Variants in TEX11 observed in about 807,000 individuals in gnomAD.
TEX11 encodes the protein testis expressed 11.
In TEX11, 7 loss-of-function variants were observed where a neutral mutation model predicts 84.4. The observed-to-expected ratio is 0.08, with a 90% CI of 0.05 to 0.16. The LOEUF (loss-of-function observed/expected upper bound fraction) is 0.16. TEX11 is among the 10% of genes least tolerant of loss of function. The pLI, the probability that TEX11 is intolerant of heterozygous loss-of-function variation, is 1.00. For missense variants in TEX11, 551 were observed against 660.5 expected (o/e 0.83, Z 1.82); for synonymous variants, 264 against 222.8 (o/e 1.18, Z -1.64).
At chrX:70,877,727 A>C (rs1317916767) in intron 3 of TEX11, among the ~76,000 whole-genome samples, 2 of 112,131 alleles carry the variant, frequency 1.8e-5, no homozygotes, top group Non-Finnish European at 3.8e-5. Flanking sequence ...CACATGCTGC[A>C]ACATGAATGA....
At chrX:70,894,857 T>G (rs2091758944) in intron 2 of TEX11, among the ~76,000 whole-genome samples, 1 of 111,485 alleles carries the variant, frequency 9.0e-6, no homozygotes, top group Non-Finnish European at 1.9e-5. Context: ...AAACTCTCAA[T>G]AAACTAGGTA....
At chrX:70,705,147 T>C (rs1371402521) in intron 13 of TEX11, among the ~76,000 whole-genome samples, 1 of 111,488 alleles carries the variant, frequency 9.0e-6, no homozygotes, top group African/African-American at 3.3e-5. Context: ...TCTGTTCCAT[T>C]GGTCTATATC....
chrX:70,881,398 CA>C (rs2091682828), intron 2 of TEX11, among the ~76,000 whole-genome samples: 1 of 109,886 alleles, frequency 9.1e-6, no homozygotes, highest in South Asian at 3.8e-4. Context: ...TTCATATTAT[CA>C]AAATTGAGGT....
rs182984391 is a variant in TEX11 at position 70,528,972 on chromosome X, A to G, written c.*123T>C. Reference sequence around the variant, plus strand: ...AGCATGCTTTTATTTTAGAAAGTTTATTCAACAACATGAAAACAGGGTCTG... The same window carrying G: ...AGCATGCTTTTATTTTAGAAAGTTTGTTCAACAACATGAAAACAGGGTCTG... On this transcript the variant is annotated 3_prime_UTR_variant, in exon 30 of 30. Coordinates refer to ENST00000374333, the MANE Select transcript of TEX11 (RefSeq NM_031276.3). 8.2e-3 allele frequency: 4,131 copies of G among 501,564 alleles called. 20 individuals carry two copies. Among genetic ancestry groups the G allele is most frequent in the Non-Finnish European group, 0.011 (3,176 of 298,386 alleles). The allele number at this position is 501,564 out of a possible 1,213,427, so 41.3% of individuals were successfully genotyped here.
intron 9 of TEX11, among the ~76,000 whole-genome samples, chrX:70,758,571 T>A (rs1475727584): frequency 8.9e-6 from 1 of 111,782 alleles, no homozygotes; most frequent in Non-Finnish European, 1.9e-5. Flanking sequence ...TTGAAACCAA[T>A]AAGACAAAGA....
chrX:70,566,357 C>T (rs2088477806), intron 25 of TEX11, among the ~76,000 whole-genome samples: 1 of 104,301 alleles, frequency 9.6e-6, no homozygotes, highest in Non-Finnish European at 2.0e-5. Context: ...CAAACAGGGA[C>T]AATTTGACTT....
intron 28 of TEX11, among the ~76,000 whole-genome samples, chrX:70,539,117 C>A (rs2088005856): frequency 2.0e-5 from 2 of 98,565 alleles, no homozygotes; most frequent in South Asian, 1.1e-3. Context: ...TCATTGCAAT[C>A]TCCGCCTCCT....
intron 12 of TEX11, among the ~76,000 whole-genome samples, chrX:70,724,559 T>G (rs2090585141): frequency 9.0e-6 from 1 of 111,434 alleles, no homozygotes; most frequent in African/African-American, 3.3e-5. Flanking sequence ...TTAGAGTAAA[T>G]AATTTTTATG....
At chrX:70,604,779 G>A (rs775894481) in intron 24 of TEX11, among the ~76,000 whole-genome samples, 254 of 111,249 alleles carry the variant, frequency 2.3e-3, no homozygotes, top group Non-Finnish European at 4.2e-3. Flanking sequence ...CTGATTTGGA[G>A]ACAATTTTCT....
the TEX11 span, among the ~76,000 whole-genome samples, chrX:70,515,872 T>G: frequency 1.8e-5 from 2 of 112,670 alleles, no homozygotes; most frequent in African/African-American, 6.5e-5. Context: ...TGATGACCAG[T>G]GATGATGAGC....
At chrX:70,655,124 T>C (rs1056528434) in intron 16 of TEX11, among the ~76,000 whole-genome samples, 1 of 110,418 alleles carries the variant, frequency 9.1e-6, no homozygotes, top group Non-Finnish European at 1.9e-5. Flanking sequence ...AAAGCAAAAA[T>C]GATAAAATTA....
At chrX:70,775,492 A>T (rs193044438) in intron 9 of TEX11, among the ~76,000 whole-genome samples, 1 of 110,141 alleles carries the variant, frequency 9.1e-6, no homozygotes, top group African/African-American at 3.3e-5. Context: ...CTCAACAATT[A>T]AAAAAAATCT....
intron 25 of TEX11, among the ~76,000 whole-genome samples, chrX:70,572,572 T>C (rs979346625): frequency 3.3e-4 from 37 of 110,548 alleles, no homozygotes; most frequent in African/African-American, 1.2e-3. Context: ...TGCGGCACTA[T>C]TCACAATAGC....
rs755135383 is a variant in TEX11, at chrX:70,880,096, G to A, written c.51C>T (p.Asn17=). The A allele has an allele frequency of 1.7e-6, 2 of 1,183,327 alleles. No individual in the cohort carries two copies. The highest frequency in any genetic ancestry group is 3.0e-5 in the East Asian group (1 of 33,026). Residue 17 remains asparagine (N), a synonymous_variant, in exon 3 of 30, where the codon AAC becomes AAT. Transcript: ENST00000374333. ...TAGGTGAATTATCATTTGTAACCAG[G>A]TTTTCAACAACTTCTGAAATGACAA... ...FSMDFKEVVE[N]LVTNDNSPNI...
intron 28 of TEX11, among the ~76,000 whole-genome samples, chrX:70,551,361 T>C (rs1204748358): frequency 9.0e-6 from 1 of 111,034 alleles, no homozygotes; most frequent in African/African-American, 3.3e-5. Context: ...AATAATTTAA[T>C]TGTACATTTT....
At chrX:70,785,954 C>T (rs776937405) in intron 9 of TEX11, among the ~76,000 whole-genome samples, 80 of 111,804 alleles carry the variant, frequency 7.2e-4, no homozygotes, top group African/African-American at 2.4e-3. Context: ...TTTGACCCAG[C>T]GATCCCATTA....
At chrX:70,593,301 T>A (rs774525332) in intron 24 of TEX11, among the ~76,000 whole-genome samples, 17 of 111,654 alleles carry the variant, frequency 1.5e-4, no homozygotes, top group African/African-American at 5.5e-4. Context: ...TTCCAAAGAG[T>A]GACATCAGAG....
At chrX:70,761,144 G>A (rs751843288) in intron 9 of TEX11, among the ~76,000 whole-genome samples, 213 of 111,604 alleles carry the variant, frequency 1.9e-3, no homozygotes, top group Non-Finnish European at 3.0e-3. Context: ...AAATAGGAAC[G>A]CTTTTACACT....
chrX:70,670,622 A>G (rs748075977), intron 15 of TEX11, 108 bp from the exon 16 acceptor site: 22 of 878,013 alleles, frequency 2.5e-5, no homozygotes, highest in Non-Finnish European at 3.4e-5. Context: ...TTTTTAGGCA[A>G]TCAAAACACA....
Sources: allele counts gnomAD v4.1 joint callset (sites outside exome capture counted in the v4.1 genomes callset), GRCh38; gene constraint gnomAD v4.1.1; transcripts MANE v1.5; gene names NCBI Gene and HGNC (gene_info 2026-07-23, HGNC 2026-07-21).